Variants in RALYL observed in about 807,000 individuals in gnomAD.
RALYL encodes RALY RNA binding protein like.
In RALYL, 29 loss-of-function variants were observed where a neutral mutation model predicts 35.1. The ratio of observed to expected loss-of-function variants is 0.83; its 90% confidence interval spans 0.61 to 1.13. The LOEUF (loss-of-function observed/expected upper bound fraction) is 1.13, where lower values mean the gene tolerates loss of function less well. RALYL is among the 50% of genes most tolerant of loss of function. RALYL has a pLI of 0.00. For missense variants in RALYL, 359 were observed against 360.4 expected (o/e 1.00, Z 0.03); for synonymous variants, 120 against 127.6 (o/e 0.94, Z 0.40).
intron 2 of RALYL, among the ~76,000 whole-genome samples, chr8:84,751,370 G>C (rs1809966044): frequency 6.6e-6 from 1 of 152,044 alleles, no homozygotes; most frequent in African/African-American, 2.4e-5. Context: ...ACCATGCCTG[G>C]CTAATTTTTG....
intron 4 of RALYL, among the ~76,000 whole-genome samples, chr8:84,840,809 T>C (rs968893824): frequency 6.6e-6 from 1 of 152,170 alleles, no homozygotes; most frequent in Non-Finnish European, 1.5e-5. Flanking sequence ...TGGGGGCCAA[T>C]ATTCAACATT....
intron 2 of RALYL, among the ~76,000 whole-genome samples, chr8:84,666,237 A>G (rs1832010445): frequency 6.6e-6 from 1 of 152,024 alleles, no homozygotes; most frequent in Admixed American, 6.6e-5. Flanking sequence ...TTTGCTCGTT[A>G]TTGGCTTCAT....
chr8:84,651,321 CAGTTAATAT>C (rs1339358786), intron 2 of RALYL, among the ~76,000 whole-genome samples: 1 of 151,652 alleles, frequency 6.6e-6, no homozygotes, highest in Non-Finnish European at 1.5e-5. Context: ...ATGAATAATA[CAGTTAATAT>C]AGTTAATAAT....
intron 2 of RALYL, among the ~76,000 whole-genome samples, chr8:84,693,273 TAC>T (rs1838443632): frequency 6.6e-6 from 1 of 151,876 alleles, no homozygotes; most frequent in Non-Finnish European, 1.5e-5. Context: ...TTAATTGACT[TAC>T]AGTTTCACAT....
At chr8:84,631,593 CA>C (rs2131249860) in intron 2 of RALYL, among the ~76,000 whole-genome samples, 2 of 148,558 alleles carry the variant, frequency 1.3e-5, no homozygotes, top group Admixed American at 1.3e-4. Flanking sequence ...TAAACAGGGT[CA>C]AAAAGACAGT....
At chr8:84,201,699 G>A (rs1431003026) in intron 1 of RALYL, among the ~76,000 whole-genome samples, 1 of 151,692 alleles carries the variant, frequency 6.6e-6, no homozygotes, top group East Asian at 1.9e-4. Context: ...AGTAGCTGGG[G>A]CTGCAGGTGT....
intron 7 of RALYL, among the ~76,000 whole-genome samples, chr8:84,879,892 AGCAAGGAAG>A (rs1243698936): frequency 6.6e-6 from 1 of 152,120 alleles, no homozygotes. Context: ...TACTAAAAGC[AGCAAGGAAG>A]GCTTTGTTCA....
chr8:84,755,358 C>T (rs1034654706), intron 2 of RALYL, among the ~76,000 whole-genome samples: 1 of 152,140 alleles, frequency 6.6e-6, no homozygotes, highest in Admixed American at 6.6e-5. Context: ...GAATAACAAG[C>T]TGTCAACAGA....
At chr8:84,765,974 C>G (rs756718908) in intron 2 of RALYL, among the ~76,000 whole-genome samples, 1 of 151,984 alleles carries the variant, frequency 6.6e-6, no homozygotes, top group Non-Finnish European at 1.5e-5. Flanking sequence ...ATACCATTTC[C>G]ATATCAAAGT....
chr8:84,776,694 G>A (rs1431369584), intron 3 of RALYL, among the ~76,000 whole-genome samples: 1 of 152,028 alleles, frequency 6.6e-6, no homozygotes, highest in East Asian at 1.9e-4. Flanking sequence ...TACTGTCTGT[G>A]CAATGATGTT....
chr8:84,464,182 G>A (rs2051216719), intron 1 of RALYL, among the ~76,000 whole-genome samples: 1 of 145,692 alleles, frequency 6.9e-6, no homozygotes, highest in Non-Finnish European at 1.5e-5. Flanking sequence ...GGGTACATGT[G>A]CACATTGTGC....
intron 1 of RALYL, among the ~76,000 whole-genome samples, chr8:84,487,220 G>GT (rs1332922150): frequency 2.0e-5 from 3 of 151,962 alleles, no homozygotes; most frequent in Admixed American, 6.6e-5. Context: ...AACCAAATCA[G>GT]TTTTTTAGAG....
intron 1 of RALYL, among the ~76,000 whole-genome samples, chr8:84,334,499 A>T (rs980555498): frequency 6.6e-6 from 1 of 151,216 alleles, no homozygotes; most frequent in African/African-American, 2.4e-5. Context: ...TAATTCTTAA[A>T]TTATAAATAT....
At chr8:84,407,004 C>T (rs948492779) in intron 1 of RALYL, among the ~76,000 whole-genome samples, 7 of 138,130 alleles carry the variant, frequency 5.1e-5, no homozygotes, top group Non-Finnish European at 1.5e-5. Context: ...CTCTCTCCCT[C>T]TCTCTCTCTC....
intron 1 of RALYL, among the ~76,000 whole-genome samples, chr8:84,284,391 A>C (rs1244158206): frequency 6.6e-6 from 1 of 152,166 alleles, no homozygotes; most frequent in African/African-American, 2.4e-5. Flanking sequence ...AGAGAAATGT[A>C]TGATGTTAGG....
intron 8 of RALYL, among the ~76,000 whole-genome samples, chr8:84,889,930 C>T (rs540429550): frequency 5.3e-5 from 8 of 152,320 alleles, no homozygotes; most frequent in South Asian, 2.1e-4. Context: ...ACCCAAGCCA[C>T]GATCCCTGCT....
chr8:84,186,645 T>C (rs1270133655), intron 1 of RALYL, among the ~76,000 whole-genome samples: 3 of 152,164 alleles, frequency 2.0e-5, no homozygotes, highest in African/African-American at 7.2e-5. Flanking sequence ...ATTGAAACAA[T>C]TAATGGGACC....
chr8:84,635,677 TC>T (rs1244039056), intron 2 of RALYL, among the ~76,000 whole-genome samples: 1 of 151,766 alleles, frequency 6.6e-6, no homozygotes, highest in Non-Finnish European at 1.5e-5. Flanking sequence ...TTGAGGTAAT[TC>T]TTTCTTTAGA....
At chr8:84,636,838 C>A (rs1428807814) in intron 2 of RALYL, among the ~76,000 whole-genome samples, 1 of 151,854 alleles carries the variant, frequency 6.6e-6, no homozygotes, top group East Asian at 1.9e-4. Flanking sequence ...TAAAGCACAT[C>A]TTTAAATCTG....
Sources: allele counts gnomAD v4.1 joint callset (sites outside exome capture counted in the v4.1 genomes callset), GRCh38; gene constraint gnomAD v4.1.1; transcripts MANE v1.5; gene names NCBI Gene and HGNC (gene_info 2026-07-23, HGNC 2026-07-21).